MYO1D: variants seen among roughly 807,000 people sequenced by gnomAD.
MYO1D encodes unconventional myosin-Id.
MYO1D carries 83 observed loss-of-function variants against 122.0 expected under a neutral mutation model. The ratio of observed to expected loss-of-function variants is 0.68; its 90% CI spans 0.57 to 0.82. The LOEUF is 0.82. Among genes scored for constraint, MYO1D ranks in the 40% least tolerant of loss-of-function variants. The pLI is 0.00. For synonymous variants in MYO1D, 464 were observed against 446.9 expected (o/e 1.04, Z -0.48); for missense variants, 1,157 against 1,269.5 (o/e 0.91, Z 1.35).
At chr17:32,611,269 AAT>A (rs1449308364) in intron 20 of MYO1D, among the ~76,000 whole-genome samples, 1 of 152,262 alleles carries the variant, frequency 6.6e-6, no homozygotes, top group Non-Finnish European at 1.5e-5. Context: ...TAGAAAGAGA[AAT>A]AATTCGAAAA....
At chr17:32,595,091 G>A (rs2087478597) in intron 21 of MYO1D, among the ~76,000 whole-genome samples, 1 of 152,104 alleles carries the variant, frequency 6.6e-6, no homozygotes, top group South Asian at 2.1e-4. Flanking sequence ...GCTTAGCCCT[G>A]TAATCCTGGA....
At chr17:32,746,423 A>T (rs750597010) in intron 12 of MYO1D, among the ~76,000 whole-genome samples, 1 of 152,248 alleles carries the variant, frequency 6.6e-6, no homozygotes, top group Non-Finnish European at 1.5e-5. Flanking sequence ...TAGCATTCAA[A>T]GACCAGCATC....
At chr17:32,650,494 CCTT>C (rs769841183) in intron 19 of MYO1D, among the ~76,000 whole-genome samples, 17 of 151,996 alleles carry the variant, frequency 1.1e-4, no homozygotes, top group South Asian at 2.1e-4. Flanking sequence ...TTATTTCTCT[CCTT>C]CTCTCCTCTC....
intron 1 of MYO1D, 72 bp downstream of exon 1, chr17:32,876,706 G>A (rs1474670346): frequency 1.5e-6 from 2 of 1,315,968 alleles, no homozygotes; most frequent in East Asian, 3.1e-5. Flanking sequence ...CCCGGATCCG[G>A]CCGCGCCCCG....
At chr17:32,495,040 T>C in intron 21 of MYO1D, 125 bp from the exon 22 acceptor site, 1 of 1,220,312 alleles carries the variant, frequency 8.2e-7, no homozygotes, top group Non-Finnish European at 1.1e-6. Flanking sequence ...GCCAGGAGGA[T>C]GCCTGAAGGG....
At chr17:32,602,285 T>C (rs1230212026) in intron 21 of MYO1D, among the ~76,000 whole-genome samples, 1 of 152,214 alleles carries the variant, frequency 6.6e-6, no homozygotes, top group Non-Finnish European at 1.5e-5. Flanking sequence ...CCCCTCATAA[T>C]GGACTGTATT....
chr17:32,676,683 C>G (rs190215853), intron 16 of MYO1D, among the ~76,000 whole-genome samples: 148 of 152,180 alleles, frequency 9.7e-4, no homozygotes, highest in Admixed American at 5.8e-3. Flanking sequence ...GGAAGACGAC[C>G]CAAGAGACGG....
intron 16 of MYO1D, among the ~76,000 whole-genome samples, chr17:32,669,012 G>T (rs9900400): frequency 6.6e-6 from 1 of 151,980 alleles, no homozygotes; most frequent in African/African-American, 2.4e-5. Context: ...GAAGCTCTGA[G>T]AATTTTTATG....
At chr17:32,569,752 C>T (rs2087205347) in intron 21 of MYO1D, among the ~76,000 whole-genome samples, 1 of 152,192 alleles carries the variant, frequency 6.6e-6, no homozygotes, top group Non-Finnish European at 1.5e-5. Flanking sequence ...ACACAGTAGT[C>T]ATCCTGCTCC....
chr17:32,835,334 C>T (rs1391190994), intron 1 of MYO1D, among the ~76,000 whole-genome samples: 1 of 152,144 alleles, frequency 6.6e-6, no homozygotes, highest in South Asian at 2.1e-4. Context: ...CCTCTAAGCT[C>T]CTATAACATT....
At chr17:32,619,409 A>AACTCTGTCCCACCTATTTTG (rs1450958133) in intron 20 of MYO1D, among the ~76,000 whole-genome samples, 20 of 152,148 alleles carry the variant, frequency 1.3e-4, no homozygotes, top group Non-Finnish European at 2.8e-4. Flanking sequence ...TTACCACACA[A>AACTCTGTCCCACCTATTTTG]ACTCTGTCCC....
At chr17:32,598,417 C>A (rs1329931807) in intron 21 of MYO1D, among the ~76,000 whole-genome samples, 1 of 152,144 alleles carries the variant, frequency 6.6e-6, no homozygotes, top group Non-Finnish European at 1.5e-5. Flanking sequence ...ATTAGCATAT[C>A]CCAAATGTAT....
chr17:32,670,845 G>T (rs919365936), intron 16 of MYO1D, among the ~76,000 whole-genome samples: 4 of 152,312 alleles, frequency 2.6e-5, no homozygotes, highest in Non-Finnish European at 2.9e-5. Context: ...GAGCTGTTTT[G>T]TTGCTCAATA....
chr17:32,714,922 G>A (rs1353103720), intron 15 of MYO1D, among the ~76,000 whole-genome samples: 6 of 151,450 alleles, frequency 4.0e-5, no homozygotes, highest in Non-Finnish European at 5.9e-5. Flanking sequence ...TCTGATAAAG[G>A]ACTAATATCC....
chr17:32,754,204 A>G (rs1303017381), intron 11 of MYO1D, among the ~76,000 whole-genome samples: 1 of 152,214 alleles, frequency 6.6e-6, no homozygotes. Flanking sequence ...CAAAGATAGG[A>G]CATTTGCCCA....
intron 21 of MYO1D, among the ~76,000 whole-genome samples, chr17:32,580,856 A>G (rs1261409342): frequency 6.6e-6 from 1 of 152,208 alleles, no homozygotes; most frequent in Non-Finnish European, 1.5e-5. Flanking sequence ...TGGATGCACT[A>G]AATATTGCTT....
chr17:32,628,135 C>T (rs931044126), intron 20 of MYO1D, among the ~76,000 whole-genome samples: 2 of 152,206 alleles, frequency 1.3e-5, no homozygotes, highest in African/African-American at 2.4e-5. Flanking sequence ...CCCCAGCTCA[C>T]AAAACATTCA....
In MYO1D at chr17:32,653,908, C is replaced by T; in HGVS notation, c.2530G>A (p.Val844Ile). 3 of 1,613,900 alleles carry T rather than the reference C, an allele frequency of 1.9e-6. No individual in the cohort carries two copies. In the South Asian group the frequency reaches 3.3e-5, roughly 18 times the overall value. The change falls in exon 19 of 22, where the codon GTT becomes ATT. Residue 844 changes from valine to isoleucine, a missense_variant. Coordinates refer to ENST00000318217, the MANE Select transcript of MYO1D (RefSeq NM_015194.3). Reference sequence around the variant, plus strand: ...TCCTTCCGTTTCAATTCATTAGCAACAGGGACAAAAGTGCCTGAGGTCTGA... The same window carrying T: ...TCCTTCCGTTTCAATTCATTAGCAATAGGGACAAAAGTGCCTGAGGTCTGA... Reference protein sequence around the residue: ...TPQTSGTFVPVANELKRKDKY... With the variant: ...TPQTSGTFVPIANELKRKDKY...
rs114862297 is a variant in MYO1D at position 32,686,941 on chromosome 17, A to G, written c.2121+25047T>C. 3.6e-3 allele frequency among the ~76,000 whole-genome samples: 542 copies of G among 150,464 alleles called. 3 individuals carry two copies. Among genetic ancestry groups the G allele is most frequent in the African/African-American group, 0.012 (506 of 40,792 alleles). ...AATTGTGCCACTGCACTCCAGGGTG[A>G]TAAGAGTGAGATCCTGTTTCAAAAC... On this transcript the variant is annotated intron_variant, in intron 16 of 21. Coordinates refer to ENST00000318217, the MANE Select transcript of MYO1D (RefSeq NM_015194.3).
Sources: allele counts gnomAD v4.1 joint callset (sites outside exome capture counted in the v4.1 genomes callset), GRCh38; gene constraint gnomAD v4.1.1; transcripts MANE v1.5; gene names NCBI Gene and HGNC (gene_info 2026-07-23, HGNC 2026-07-21).